CSMD3: variants seen among roughly 807,000 people sequenced by gnomAD.
CSMD3 encodes the protein CUB and sushi domain-containing protein 3.
Under a neutral mutation model 435.2 loss-of-function variants are expected in CSMD3, and 177 were observed. That is an observed-to-expected ratio of 0.41 (90% CI 0.36 to 0.46). The LOEUF is 0.46. Ranked by LOEUF, CSMD3 falls within the 20% of genes least tolerant of loss-of-function variation. The pLI, the probability that CSMD3 is intolerant of heterozygous loss-of-function variation, is 0.34. For missense variants in CSMD3, 4,265 were observed against 4,504.6 expected (o/e 0.95, Z 1.52); for synonymous variants, 1,656 against 1,520.5 (o/e 1.09, Z -2.07).
Position 112,742,687 on chromosome 8 carries a change from C to T in CSMD3, c.1973-52637G>A, listed in dbSNP as rs142447420. Among the ~76,000 whole-genome samples, 909 of 151,414 alleles carry T rather than the reference C, an allele frequency of 6.0e-3. 9 individuals carry two copies. Among genetic ancestry groups the T allele is most frequent in the Non-Finnish European group, 8.3e-3 (565 of 67,796 alleles). ...AGAAACATGACCCATCTGCCTGTCT[C>T]GATGATTGAAAAAAAATATCCCATA... On this transcript the variant is annotated intron_variant, in intron 13 of 70. Coordinates refer to ENST00000297405, the MANE Select transcript of CSMD3 (RefSeq NM_198123.2).
intron 5 of CSMD3, among the ~76,000 whole-genome samples, chr8:113,023,024 AC>A (rs1238866714): frequency 6.6e-6 from 1 of 152,080 alleles, no homozygotes; most frequent in Non-Finnish European, 1.5e-5. Flanking sequence ...AATTAGTTAA[AC>A]ATAAGAAAAT....
intron 40 of CSMD3, 54 bp from the exon 41 acceptor site, chr8:112,346,267 A>G: frequency 9.7e-7 from 1 of 1,027,092 alleles, no homozygotes; most frequent in Non-Finnish European, 1.6e-6. Context: ...AATTTACTGT[A>G]TTAAAAAACA....
intron 37 of CSMD3, among the ~76,000 whole-genome samples, chr8:112,381,083 C>T (rs1169792737): frequency 6.6e-6 from 1 of 152,172 alleles, no homozygotes; most frequent in Non-Finnish European, 1.5e-5. Flanking sequence ...TTGAACTTTG[C>T]AAAGTAACAA....
intron 2 of CSMD3, among the ~76,000 whole-genome samples, chr8:113,305,298 T>C (rs2093810863): frequency 1.3e-5 from 2 of 152,202 alleles, no homozygotes; most frequent in South Asian, 2.1e-4. Context: ...ACTTAAAGTA[T>C]AATAATAATA....
chr8:113,185,145 T>G (rs1220439609), intron 3 of CSMD3, among the ~76,000 whole-genome samples: 1 of 151,994 alleles, frequency 6.6e-6, no homozygotes, highest in East Asian at 1.9e-4. Flanking sequence ...TAACTCAAAT[T>G]TTGCCAGATT....
At chr8:112,698,868 A>G (rs192489481) in intron 13 of CSMD3, among the ~76,000 whole-genome samples, 29 of 152,280 alleles carry the variant, frequency 1.9e-4, no homozygotes, top group African/African-American at 6.7e-4. Context: ...AAATGCACCA[A>G]TCGGTGCTGT....
intron 38 of CSMD3, among the ~76,000 whole-genome samples, chr8:112,367,909 AG>A (rs1827940570): frequency 6.6e-6 from 1 of 152,170 alleles, no homozygotes; most frequent in Admixed American, 6.6e-5. Flanking sequence ...GCATTTATTA[AG>A]GGTTTACTAT....
intron 1 of CSMD3, among the ~76,000 whole-genome samples, chr8:113,364,947 A>C (rs2094301681): frequency 6.6e-6 from 1 of 152,126 alleles, no homozygotes; most frequent in Admixed American, 6.6e-5. Context: ...TATTCATTTT[A>C]AAGTGAGAAT....
At chr8:112,697,791 T>A (rs1303728873) in intron 13 of CSMD3, among the ~76,000 whole-genome samples, 1 of 152,022 alleles carries the variant, frequency 6.6e-6, no homozygotes, top group Admixed American at 6.6e-5. Flanking sequence ...TGTCCTTAAC[T>A]GAAGGCACAA....
intron 3 of CSMD3, among the ~76,000 whole-genome samples, chr8:113,194,163 G>A (rs964596940): frequency 6.6e-6 from 1 of 151,236 alleles, no homozygotes; most frequent in Non-Finnish European, 1.5e-5. Context: ...TAAAACAGTA[G>A]GGGACACTGC....
intron 3 of CSMD3, among the ~76,000 whole-genome samples, chr8:113,251,840 G>A (rs1044211195): frequency 1.3e-5 from 2 of 152,000 alleles, no homozygotes; most frequent in Admixed American, 6.6e-5. Context: ...ACTTGACAGA[G>A]TTTTTATGTT....
chr8:113,185,489 T>C (rs780690141), intron 3 of CSMD3, among the ~76,000 whole-genome samples: 1 of 152,028 alleles, frequency 6.6e-6, no homozygotes, highest in Non-Finnish European at 1.5e-5. Flanking sequence ...ACTCCTTTAG[T>C]CCCACTCATG....
At chr8:112,618,102 G>T (rs775521725) in intron 22 of CSMD3, among the ~76,000 whole-genome samples, 31 of 152,012 alleles carry the variant, frequency 2.0e-4, no homozygotes, top group Non-Finnish European at 4.1e-4. Context: ...ATGAAAAAGA[G>T]ATCTCCAGGT....
intron 6 of CSMD3, among the ~76,000 whole-genome samples, chr8:112,983,164 G>A (rs887651503): frequency 6.6e-6 from 1 of 151,732 alleles, no homozygotes; most frequent in Non-Finnish European, 1.5e-5. Flanking sequence ...TGTGGGTGGG[G>A]TTCCCTTTTA....
chr8:112,292,940 G>A (rs1374563195), intron 54 of CSMD3, among the ~76,000 whole-genome samples: 1 of 152,086 alleles, frequency 6.6e-6, no homozygotes, highest in Non-Finnish European at 1.5e-5. Context: ...ATTTAAAATT[G>A]TGATAATTTT....
intron 6 of CSMD3, among the ~76,000 whole-genome samples, chr8:112,999,366 G>A (rs1355711132): frequency 2.0e-5 from 3 of 151,882 alleles, no homozygotes; most frequent in Non-Finnish European, 1.5e-5. Flanking sequence ...AACAGCAAAT[G>A]CAAAAACCCT....
chr8:112,984,050 G>C (rs2130979824), intron 6 of CSMD3, among the ~76,000 whole-genome samples: 1 of 151,690 alleles, frequency 6.6e-6, no homozygotes, highest in South Asian at 2.1e-4. Flanking sequence ...TTTTGGCTTA[G>C]AAAAAAATAG....
chr8:113,295,736 T>C (rs374544368), intron 2 of CSMD3, among the ~76,000 whole-genome samples: 2 of 152,166 alleles, frequency 1.3e-5, no homozygotes, highest in East Asian at 3.9e-4. Flanking sequence ...TCTCAGATTG[T>C]GGCAATTCCT....
chr8:112,900,600 C>A (rs936055286), intron 10 of CSMD3, among the ~76,000 whole-genome samples: 6 of 151,172 alleles, frequency 4.0e-5, no homozygotes, highest in Non-Finnish European at 7.4e-5. Context: ...CTTTTGACTA[C>A]CACTGGCATC....
Sources: allele counts gnomAD v4.1 joint callset (sites outside exome capture counted in the v4.1 genomes callset), GRCh38; gene constraint gnomAD v4.1.1; transcripts MANE v1.5; gene names NCBI Gene and HGNC (gene_info 2026-07-23, HGNC 2026-07-21).